ZNF175: variants seen among roughly 807,000 people sequenced by gnomAD.
ZNF175 encodes zinc finger protein 175.
A neutral mutation model predicts 14.0 loss-of-function variants in ZNF175; 8 were observed. The observed-to-expected ratio is 0.57, with a 90% CI of 0.34 to 1.03. The LOEUF (loss-of-function observed/expected upper bound fraction) is 1.03. Among genes scored for constraint, ZNF175 ranks in the 50% least tolerant of loss-of-function variants. The pLI is 0.03. For missense variants in ZNF175, 764 were observed against 849.5 expected (o/e 0.90, Z 1.25); for synonymous variants, 255 against 296.8 (o/e 0.86, Z 1.45).
At chr19:51,576,351 T>C (rs1419173776) in intron 2 of ZNF175, among the ~76,000 whole-genome samples, 1 of 152,138 alleles carries the variant, frequency 6.6e-6, no homozygotes, top group African/African-American at 2.4e-5. Context: ...GGTTTCACCA[T>C]GTTGGGCAGG....
In ZNF175 at chr19:51,587,210, C is replaced by G; in HGVS notation, c.879C>G (p.His293Gln). 2 of 1,614,180 alleles carry G rather than the reference C, an allele frequency of 1.2e-6. No homozygotes were observed. Among genetic ancestry groups the G allele is most frequent in the Non-Finnish European group, 1.7e-6 (2 of 1,180,032 alleles). The change falls in exon 5 of 5, where the codon CAC becomes CAG. Residue 293 changes from histidine to glutamine, a missense_variant. By Grantham distance (24) the His-to-Gln change is conservative. Coordinates refer to ENST00000262259, the MANE Select transcript of ZNF175 (RefSeq NM_007147.4). ...GGGGGAGCTTCACCCAGAAGTCACA[C>G]CTCTTTGCCCAACAGAGAATTCATA... ...ECGGSFTQKS[H>Q]LFAQQRIHSV...
intron 1 of ZNF175, among the ~76,000 whole-genome samples, chr19:51,572,127 C>A (rs61235925): frequency 6.6e-6 from 1 of 152,118 alleles, no homozygotes; most frequent in African/African-American, 2.4e-5. Flanking sequence ...TTCATTTGGA[C>A]CCCTATGTTG....
chr19:51,589,447 C>A lies in ZNF175; in HGVS notation c.*980C>A. ...AGGTTGTATCAACAATGATTAACTC[C>A]TTTATTATACATACACATGAATGTG... On this transcript the variant is annotated 3_prime_UTR_variant, in exon 5 of 5. Coordinates refer to ENST00000262259, the MANE Select transcript of ZNF175 (RefSeq NM_007147.4). The A allele has an allele frequency of 1.6e-6, 1 of 638,644 alleles. No homozygotes were observed. The highest frequency in any genetic ancestry group is 2.8e-6 in the Non-Finnish European group (1 of 355,492). The allele number at this position is 638,644 out of a possible 1,614,324, so 39.6% of individuals were successfully genotyped here. A position where few individuals can be genotyped will look rare whatever the true frequency, so the allele number is the denominator to read the frequency against.
intron 2 of ZNF175, among the ~76,000 whole-genome samples, chr19:51,579,133 A>G (rs1232430277): frequency 5.3e-5 from 8 of 151,788 alleles, no homozygotes; most frequent in African/African-American, 1.9e-4. Flanking sequence ...GGCACCTGTA[A>G]TCCCAGCTAC....
rs766266502 is a variant in ZNF175 at position 51,581,839 on chromosome 19, G to C, written c.252G>C (p.Glu84Asp). 4 of 1,613,820 alleles carry C rather than the reference G, an allele frequency of 2.5e-6. No individual in the cohort carries two copies. In the African/African-American group the frequency reaches 5.3e-5, roughly 22 times the overall value. Reference protein sequence around the residue: ...EVIFRMLKEKEPRVEEAEVSH... With the variant: ...EVIFRMLKEKDPRVEEAEVSH... ...TCTTCAGAATGCTAAAAGAAAAGGA[G>C]CCGCGTGTGGAGGAGGCTGAAGTCT... Residue 84 changes from glutamate to aspartate, a missense_variant, in exon 4 of 5, where the codon GAG (glutamate) becomes GAC (aspartate). By Grantham distance (45) the Glu-to-Asp change is conservative. Coordinates refer to ENST00000262259, the MANE Select transcript of ZNF175 (RefSeq NM_007147.4).
chr19:51,581,338 C>G (rs557429887), intron 2 of ZNF175, 53 bp from the exon 3 acceptor site: 34 of 1,613,660 alleles, frequency 2.1e-5, no homozygotes, highest in Non-Finnish European at 2.9e-5. Flanking sequence ...ATGTGCCATC[C>G]CCACTCGCCA....
At position 51,589,779 on chromosome 19, in the gene ZNF175, T is replaced by C. The variant is rs1290565713; in HGVS notation, c.*1312T>C. On this transcript the variant is annotated 3_prime_UTR_variant, in exon 5 of 5. Coordinates refer to ENST00000262259, the MANE Select transcript of ZNF175 (RefSeq NM_007147.4). ...CTTCTTTTGTGCTGCACTGGCAGAA[T>C]TGAGTAGTTTTGGCGGAGATCAAAT... is the stretch of plus-strand genomic sequence containing the variant. 7.0e-6 allele frequency: 4 copies of C among 574,568 alleles called. No individual in the cohort carries two copies. The highest frequency in any genetic ancestry group is 1.9e-5 in the African/African-American group (1 of 53,704). 35.6% of individuals were successfully genotyped at this position (574,568 alleles called of 1,614,324 possible).
In ZNF175 at chr19:51,589,179, T is replaced by G. The variant is rs1330576545; in HGVS notation, c.*712T>G. ...GTTTTCAGATTAGGAATACCCAACC[T>G]GTATGTACGTATATTTCTGTATCTA... is the stretch of plus-strand genomic sequence containing the variant. On this transcript the variant is annotated 3_prime_UTR_variant, in exon 5 of 5. Transcript: ENST00000262259. 1 of 208,812 alleles carries G rather than the reference T, an allele frequency of 4.8e-6. No homozygotes were observed. Among genetic ancestry groups the G allele is most frequent in the African/African-American group, 2.3e-5 (1 of 43,820 alleles). The allele number at this position is 208,812 out of a possible 1,614,324, so 12.9% of individuals were successfully genotyped here.
At chr19:51,576,785 AATCCTTTC>A (rs1981803109) in intron 2 of ZNF175, among the ~76,000 whole-genome samples, 1 of 24,960 alleles carries the variant, frequency 4.0e-5, no homozygotes, top group South Asian at 2.9e-3. Flanking sequence ...TTGTGTCTTG[AATCCTTTC>A]TTGAATCCTT....
chr19:51,574,371 C>T (rs1466991465), intron 2 of ZNF175, among the ~76,000 whole-genome samples: 1 of 152,122 alleles, frequency 6.6e-6, no homozygotes, highest in African/African-American at 2.4e-5. Flanking sequence ...ATTTAAAAGT[C>T]GTTCTTAAAA....
In ZNF175 at chr19:51,572,526, C is replaced by T. The variant is rs539423525; in HGVS notation, c.-180-624C>T. 9.2e-5 allele frequency among the ~76,000 whole-genome samples: 14 copies of T among 152,184 alleles called. No homozygotes were observed. The East Asian group carries it at 2.7e-3, about 29-fold the overall frequency. On this transcript the variant is annotated intron_variant, in intron 1 of 4. Coordinates refer to ENST00000262259, the MANE Select transcript of ZNF175 (RefSeq NM_007147.4). Reference sequence around the variant, plus strand: ...AGTCCAGAAGCTCAGAATAGGTACACCAGACAGAGCCACCTCCCGGCCTGA... The same window carrying T: ...AGTCCAGAAGCTCAGAATAGGTACATCAGACAGAGCCACCTCCCGGCCTGA...
In ZNF175 at chr19:51,589,277, T is replaced by C; in HGVS notation, c.*810T>C. The C allele has an allele frequency of 2.1e-6, 1 of 482,520 alleles. No individual in the cohort carries two copies. Among genetic ancestry groups the C allele is most frequent in the Non-Finnish European group, 3.7e-6 (1 of 271,224 alleles). 29.9% of individuals were successfully genotyped at this position (482,520 alleles called of 1,614,324 possible). ...GCATATGTGTATGTATGCGTATGTA[T>C]GTATGTATGTATGCCCTCAGTGCAG... On this transcript the variant is annotated 3_prime_UTR_variant, in exon 5 of 5. Transcript: ENST00000262259.
At position 51,588,532 on chromosome 19, in the gene ZNF175, C is replaced by T. The variant is rs1056177813; in HGVS notation, c.*65C>T. 12 of 1,478,146 alleles carry T rather than the reference C, an allele frequency of 8.1e-6. No individual in the cohort carries two copies. In the South Asian group the frequency reaches 1.7e-4, roughly 21 times the overall value. 91.6% of individuals were successfully genotyped at this position (1,478,146 alleles called of 1,614,324 possible). A position where few individuals can be genotyped will look rare whatever the true frequency, so the allele number is the denominator to read the frequency against. ...CCGAGTTTCTTGAAGAAGAGAAAAT[C>T]TTCTCAGAATCAGGTCTAATTATAT... On this transcript the variant is annotated 3_prime_UTR_variant, in exon 5 of 5. Coordinates refer to ENST00000262259, the MANE Select transcript of ZNF175 (RefSeq NM_007147.4).
intron 2 of ZNF175, chr19:51,573,704 T>C (rs1443057979): frequency 4.6e-6 from 2 of 439,014 alleles, no homozygotes; most frequent in African/African-American, 4.1e-5. Context: ...GCACTGGTTC[T>C]GCTCCTTCAT....
At chr19:51,572,191 T>C (rs1981612711) in intron 1 of ZNF175, among the ~76,000 whole-genome samples, 1 of 152,170 alleles carries the variant, frequency 6.6e-6, no homozygotes, top group African/African-American at 2.4e-5. Context: ...TGGGAAACAT[T>C]TCTTGGCTAT....
intron 2 of ZNF175, among the ~76,000 whole-genome samples, chr19:51,577,327 G>T (rs1394282556): frequency 6.6e-6 from 1 of 151,984 alleles, no homozygotes; most frequent in African/African-American, 2.4e-5. Flanking sequence ...CTCAAATCCT[G>T]AAACTCTTTA....
At chr19:51,581,698 T>G in intron 3 of ZNF175, 89 bp from the exon 4 acceptor site, 1 of 1,541,842 alleles carries the variant, frequency 6.5e-7, no homozygotes, top group Non-Finnish European at 8.7e-7. Context: ...AAATGTTGAC[T>G]TTTCTAATGA....
chr19:51,578,226 A>G (rs925256069), intron 2 of ZNF175, among the ~76,000 whole-genome samples: 3 of 150,914 alleles, frequency 2.0e-5, no homozygotes, highest in Non-Finnish European at 4.4e-5. Context: ...GTGAAACCCC[A>G]TCTCTACTAA....
Position 51,586,906 on chromosome 19 carries a change from A to G in ZNF175, c.575A>G (p.Gln192Arg), listed in dbSNP as rs749507379. 6.2e-7 allele frequency: 1 copy of G among 1,614,106 alleles called. No homozygotes were observed. The highest frequency in any genetic ancestry group is 8.5e-7 in the Non-Finnish European group (1 of 1,180,046). Residue 192 changes from glutamine (Q) to arginine (R), a missense_variant, in exon 5 of 5, where the codon CAG becomes CGG. Gln to Arg is a conservative substitution (Grantham distance 43). Transcript: ENST00000262259. The stretch of plus-strand genomic sequence containing the variant: ...ACGAGGCCCCACCTTGCTTCTTCAC[A>G]GAAACAACCTCAGAAATGTTGCTTA... Reference protein sequence around the residue: ...IRTRPHLASSQKQPQKCCLFT... With the variant: ...IRTRPHLASSRKQPQKCCLFT...
Sources: gnomAD v4.1 joint callset for allele counts (sites outside exome capture counted in the v4.1 genomes callset) on GRCh38, gnomAD v4.1.1 for gene constraint, MANE v1.5 for transcripts, NCBI Gene and HGNC (gene_info 2026-07-23, HGNC 2026-07-21) for gene names.